Variants in PLAC8L1 observed in about 807,000 individuals in gnomAD.
PLAC8L1 encodes the protein PLAC8 like 1, also known as PLAC8-like protein 1.
Under a neutral mutation model 16.3 loss-of-function variants are expected in PLAC8L1, and 13 were observed. The ratio of observed to expected loss-of-function variants is 0.80; its 90% CI spans 0.52 to 1.27. The LOEUF (loss-of-function observed/expected upper bound fraction) is 1.27. Ranked by LOEUF, PLAC8L1 falls within the 50% of genes most tolerant of loss-of-function variation. The pLI, the probability that PLAC8L1 is intolerant of heterozygous loss-of-function variation, is 0.00. For missense variants in PLAC8L1, 184 were observed against 220.2 expected, an observed-to-expected ratio of 0.84 and a Z score of 1.04; for synonymous variants, 78 against 79.3, an observed-to-expected ratio of 0.98 and a Z score of 0.09.
chr5:146,095,971 A>T (rs1249756071), intron 2 of PLAC8L1, among the ~76,000 whole-genome samples: 8 of 152,172 alleles, frequency 5.3e-5, no homozygotes, highest in Admixed American at 5.2e-4. Context: ...GTTGGCTTAT[A>T]TATTCGTTTC....
Position 146,084,459 on chromosome 5 carries a change from G to A in PLAC8L1, c.507C>T (p.Val169=), listed in dbSNP as rs1763472536. ...AAACCAGGGTGTCCTTAGTCATTGG[G>A]ACTGCACAGATTTCATAGACTTGGG... The part of the protein sequence containing the change: ...RTSQVYEICA[V]PMTKDTLV Residue 169 remains valine (V), a synonymous_variant, in exon 4 of 4, where the codon GTC becomes GTT. Coordinates refer to ENST00000311450, the MANE Select transcript of PLAC8L1 (RefSeq NM_001029869.3). 1 of 1,614,210 alleles carries A rather than the reference G, an allele frequency of 6.2e-7. No homozygotes were observed. The highest frequency in any genetic ancestry group is 8.5e-7 in the Non-Finnish European group (1 of 1,180,034).
At chr5:146,104,166 A>C (rs1763870543) in intron 1 of PLAC8L1, 27 bp downstream of exon 1, 3 of 1,610,224 alleles carry the variant, frequency 1.9e-6, no homozygotes, top group Non-Finnish European at 2.5e-6. Context: ...AGCAAAAGCT[A>C]GGGGAAAAAC....
At chr5:146,089,740 C>CTT (rs35287551) in intron 2 of PLAC8L1, among the ~76,000 whole-genome samples, 1,929 of 136,166 alleles carry the variant, frequency 0.014, 48 homozygotes, top group African/African-American at 0.048. Context: ...ACTTCTTCTT[C>CTT]TTTTTTTTTT....
At chr5:146,087,676 A>C (rs1461457167) in intron 2 of PLAC8L1, among the ~76,000 whole-genome samples, 1 of 152,170 alleles carries the variant, frequency 6.6e-6, no homozygotes, top group Non-Finnish European at 1.5e-5. Context: ...ACAGGCATGC[A>C]CCACCACATC....
At chr5:146,087,186 C>G in intron 2 of PLAC8L1, among the ~76,000 whole-genome samples, 1 of 152,136 alleles carries the variant, frequency 6.6e-6, no homozygotes. Context: ...TGCATCTATG[C>G]TGTTGTGTGA....
Position 146,105,224 on chromosome 5 carries a change from T to C in PLAC8L1, c.-913A>G, listed in dbSNP as rs1763890330. On this transcript the variant is annotated 5_prime_UTR_variant, in exon 1 of 4. Coordinates refer to ENST00000311450, the MANE Select transcript of PLAC8L1 (RefSeq NM_001029869.3). ...GGATACTGCCAATTATATCATATAT[T>C]CTTTTCATCAGACCCATAGAGAATG... Among the ~76,000 whole-genome samples, 3 of 152,192 alleles carry C rather than the reference T, an allele frequency of 2.0e-5. No homozygotes were observed. Among genetic ancestry groups the C allele is most frequent in the Non-Finnish European group, 4.4e-5 (3 of 68,024 alleles).
intron 2 of PLAC8L1, among the ~76,000 whole-genome samples, chr5:146,091,215 CA>C (rs1763613842): frequency 6.6e-6 from 1 of 152,178 alleles, no homozygotes; most frequent in Non-Finnish European, 1.5e-5. Context: ...TTCCACTTAT[CA>C]GTGTCCACCC....
chr5:146,093,727 A>G lies in PLAC8L1; in HGVS notation c.256+4429T>C, dbSNP rs1763662815. Among the ~76,000 whole-genome samples, 3 of 152,214 alleles carry G rather than the reference A, an allele frequency of 2.0e-5. No individual in the cohort carries two copies. In the South Asian group the frequency reaches 6.2e-4, roughly 31 times the overall value. On this transcript the variant is annotated intron_variant, in intron 2 of 3. Transcript: ENST00000311450. ...GGAGTCTACAGGTTACCTGAGATGC[A>G]GTGTGGGGACATGAATCCCAGTCCA...
intron 1 of PLAC8L1, 115 bp from the exon 2 acceptor site, chr5:146,098,407 C>CAA: frequency 9.8e-7 from 1 of 1,018,120 alleles, no homozygotes; most frequent in Non-Finnish European, 1.4e-6. Flanking sequence ...CCAAGGGGCT[C>CAA]ATAGCCCAAA....
At chr5:146,103,196 G>C (rs1474582042) in intron 1 of PLAC8L1, among the ~76,000 whole-genome samples, 1 of 152,110 alleles carries the variant, frequency 6.6e-6, no homozygotes, top group African/African-American at 2.4e-5. Flanking sequence ...TTTTGCTTTT[G>C]TCGCCCAGGC....
intron 2 of PLAC8L1, among the ~76,000 whole-genome samples, chr5:146,096,499 C>T (rs1763719884): frequency 6.6e-6 from 1 of 152,144 alleles, no homozygotes; most frequent in Non-Finnish European, 1.5e-5. Flanking sequence ...TTGAGGTAGG[C>T]ACCTTTATTA....
At chr5:146,085,415 G>T in intron 3 of PLAC8L1, 46 bp downstream of exon 3, 1 of 1,567,614 alleles carries the variant, frequency 6.4e-7, no homozygotes, top group South Asian at 1.2e-5. Context: ...AGGCATCTAG[G>T]TTTTCATACA....
rs995590210 is a variant in PLAC8L1 at position 146,086,325 on chromosome 5, G to C, written c.257-728C>G. Among the ~76,000 whole-genome samples, 3 of 152,110 alleles carry C rather than the reference G, an allele frequency of 2.0e-5. No individual in the cohort carries two copies. In the East Asian group the frequency reaches 5.8e-4, roughly 29 times the overall value. On this transcript the variant is annotated intron_variant, in intron 2 of 3. Coordinates refer to ENST00000311450, the MANE Select transcript of PLAC8L1 (RefSeq NM_001029869.3). ...ATTACAGGCGTGAGCCACCGCGCCC[G>C]GCCGAAAGGTCTTTTATAGTACACT...
rs1244227662 is a variant in PLAC8L1 at position 146,105,546 on chromosome 5, T to A, written c.-1235A>T. Among the ~76,000 whole-genome samples, 1 of 35,308 alleles carries A rather than the reference T, an allele frequency of 2.8e-5. No individual in the cohort carries two copies. The highest frequency in any genetic ancestry group is 1.2e-4 in the African/African-American group (1 of 8,422). The allele number at this position is 35,308 out of a possible 152,430, so 23.2% of individuals were successfully genotyped here. On this transcript the variant is annotated 5_prime_UTR_variant, in exon 1 of 4. Coordinates refer to ENST00000311450, the MANE Select transcript of PLAC8L1 (RefSeq NM_001029869.3). ...ACATGAAAATTCAGGTTTATAAGAA[T>A]AACAGAAATTAAGAGGTGATTACTA...
At chr5:146,086,826 T>C (rs924258171) in intron 2 of PLAC8L1, among the ~76,000 whole-genome samples, 6 of 152,220 alleles carry the variant, frequency 3.9e-5, no homozygotes, top group African/African-American at 1.4e-4. Flanking sequence ...TAATTAGGAC[T>C]GTGAAACAGC....
chr5:146,098,828 T>C (rs1468645019), intron 1 of PLAC8L1, among the ~76,000 whole-genome samples: 3 of 152,164 alleles, frequency 2.0e-5, no homozygotes. Flanking sequence ...CTGGACTGAG[T>C]GGGCAGACTG....
chr5:146,089,806 T>C (rs1321826333), intron 2 of PLAC8L1, among the ~76,000 whole-genome samples: 1 of 150,666 alleles, frequency 6.6e-6, no homozygotes, highest in Non-Finnish European at 1.5e-5. Context: ...TGGCACAATC[T>C]CAGCTCACTG....
At chr5:146,094,352 T>G (rs1763676837) in intron 2 of PLAC8L1, among the ~76,000 whole-genome samples, 1 of 152,188 alleles carries the variant, frequency 6.6e-6, no homozygotes, top group African/African-American at 2.4e-5. Flanking sequence ...AGTGCTGGGA[T>G]TACAGGTGTG....
chr5:146,103,712 T>C (rs1763861182), intron 1 of PLAC8L1: 1 of 985,368 alleles, frequency 1.0e-6, no homozygotes, highest in Non-Finnish European at 1.2e-6. Flanking sequence ...CCTCACTCCA[T>C]TCCTCTTCCT....
Sources: gnomAD v4.1 joint callset for allele counts (sites outside exome capture counted in the v4.1 genomes callset) on GRCh38, gnomAD v4.1.1 for gene constraint, MANE v1.5 for transcripts, NCBI Gene and HGNC (gene_info 2026-07-23, HGNC 2026-07-21) for gene names.